MUC6: variants seen among roughly 807,000 people sequenced by gnomAD.
The protein encoded by MUC6 is mucin-6.
Under a neutral mutation model 201.5 loss-of-function variants are expected in MUC6, and 188 were observed. The observed-to-expected ratio is 0.93, with a 90% confidence interval of 0.83 to 1.05. MUC6 has a LOEUF of 1.05. Ranked by LOEUF, MUC6 falls within the 50% of genes least tolerant of loss-of-function variation. MUC6 has a pLI of 0.00. For missense variants in MUC6, 2,706 were observed against 3,256.9 expected (o/e 0.83, Z 4.12); for synonymous variants, 1,228 against 1,389.4 (o/e 0.88, Z 2.58).
At chr11:1,028,558 A>G in intron 13 of MUC6, 88 bp downstream of exon 13, 8 of 1,553,826 alleles carry the variant, frequency 5.1e-6, no homozygotes, top group Non-Finnish European at 7.0e-6. Context: ...GGTTGTGTGA[A>G]CCTCTCTTGG....
chr11:1,029,130 G>A lies in MUC6; in HGVS notation c.1296C>T (p.Asp432=), dbSNP rs369841224. 4.0e-5 allele frequency: 64 copies of A among 1,612,134 alleles called. No individual in the cohort carries two copies. Among genetic ancestry groups the A allele is most frequent in the East Asian group, 2.2e-4 (10 of 44,882 alleles). Residue 432 remains aspartate, a synonymous_variant, in exon 11 of 33, where the codon GAC becomes GAT. Transcript: ENST00000421673. The part of the protein sequence containing the change: ...ILLQSPQLPE[D]GALMAVYDKS... ...TGTCGTACACAGCCATGAGGGCACC[G>A]TCCTCGGGAAGCTGGGGGCTCTGCG...
chr11:1,028,648 C>T lies in MUC6; in HGVS notation c.1589G>A (p.Arg530Lys), dbSNP rs1221603154. The change falls in exon 13 of 33, where the codon AGA (arginine) becomes AAA (lysine). Residue 530 changes from arginine (R) to lysine (K), a missense_variant and splice_region_variant. Around this residue, in one of 10 missense-constraint regions of MUC6, gnomAD observed 1,850 missense variants for 1,958.3 expected, o/e 0.94. Coordinates refer to ENST00000421673, the MANE Select transcript of MUC6 (RefSeq NM_005961.3). ...TVGPQFRGQT[R>K]GLCGNFNGDT... ...CACCTGGAGAGGCAGGGACTCACCT[C>T]TGGTCTGACCTCTGAACTGGGGCCC... The T allele has an allele frequency of 6.2e-7, 1 of 1,607,624 alleles. No individual in the cohort carries two copies. The highest frequency in any genetic ancestry group is 8.5e-7 in the Non-Finnish European group (1 of 1,177,814).
intron 7 of MUC6, 31 bp from the exon 8 acceptor site, chr11:1,030,366 T>TCCCCCCCCCCCCCCACCC: frequency 6.7e-7 from 1 of 1,489,596 alleles, no homozygotes. Context: ...GGTGAGAGGG[T>TCCCCCCCCCCCCCCACCC]CCCACCCCCC....
In MUC6 at chr11:1,033,954, C is replaced by T. The variant is rs1008863265; in HGVS notation, c.53-879G>A. On this transcript the variant is annotated intron_variant, in intron 1 of 32. Coordinates refer to ENST00000421673, the MANE Select transcript of MUC6 (RefSeq NM_005961.3). The surrounding 1 kb of genome is among the most constrained non-coding windows in gnomAD (Gnocchi z 5.6). ...GTTAGCAGGGCACTCACAGCACCTCCTTCCAGATGTAGCTCAGAGATCCCA... is the reference window on the plus strand; with the variant it reads ...GTTAGCAGGGCACTCACAGCACCTCTTTCCAGATGTAGCTCAGAGATCCCA... Among the ~76,000 whole-genome samples, 2 of 152,180 alleles carry T rather than the reference C, an allele frequency of 1.3e-5. No individual in the cohort carries two copies. Among genetic ancestry groups the T allele is most frequent in the East Asian group, 3.9e-4 (2 of 5,186 alleles).
chr11:1,031,624 G>T lies in MUC6; in HGVS notation c.466C>A (p.Pro156Thr). The T allele has an allele frequency of 6.5e-7, 1 of 1,549,060 alleles. No individual in the cohort carries two copies. The highest frequency in any genetic ancestry group is 2.4e-5 in the East Asian group (1 of 40,882). Residue 156 changes from proline to threonine, a missense_variant, in exon 4 of 33, where the codon CCT (proline) becomes ACT (threonine). Transcript: ENST00000421673. ...LELELEVVWGPDSHLMVLVER... is the reference protein window; with the variant it reads ...LELELEVVWGTDSHLMVLVER... ...CTCCTCACCATGAGGTGGCTGTCAGGACCCCACACGACTTCCAGCTCCAGC... is the reference window on the plus strand; with the variant it reads ...CTCCTCACCATGAGGTGGCTGTCAGTACCCCACACGACTTCCAGCTCCAGC...
At chr11:1,014,068 G>C in intron 31 of MUC6, 67 bp from the exon 32 acceptor site, 2 of 1,399,138 alleles carry the variant, frequency 1.4e-6, no homozygotes, top group South Asian at 2.6e-5. Context: ...GGGAAACCCT[G>C]GCTAGAGACC....
chr11:1,031,497 T>C, intron 4 of MUC6, 110 bp downstream of exon 4: 1 of 1,474,856 alleles, frequency 6.8e-7, no homozygotes. Flanking sequence ...CCTGGCTGCA[T>C]GGCAGCCTGA....
At chr11:1,025,652 C>T (rs1382173014) in intron 22 of MUC6, among the ~76,000 whole-genome samples, 153 bp downstream of exon 22, 1 of 152,172 alleles carries the variant, frequency 6.6e-6, no homozygotes, top group Non-Finnish European at 1.5e-5. Context: ...AGCGTCTGGC[C>T]AGGGAGGGGC....
At position 1,018,595 on chromosome 11, in the gene MUC6, G is replaced by T. The variant is rs780037522; in HGVS notation, c.4206C>A (p.Thr1402=). ...RTTTEYTTPQ[T]PHTTHSPPTA... is the part of the protein sequence containing the mutation. ...TAGGCGGGGAGTGTGTGGTGTGTGG[G>T]GTTTGGGGCGTTGTGTATTCAGTAG... Residue 1402 remains threonine, a synonymous_variant, in exon 31 of 33, where the codon ACC becomes ACA. Coordinates refer to ENST00000421673, the MANE Select transcript of MUC6 (RefSeq NM_005961.3). The T allele has an allele frequency of 1.8e-5, 29 of 1,613,258 alleles. No individual in the cohort carries two copies. In the South Asian group the frequency reaches 2.7e-4, roughly 15 times the overall value.
intron 7 of MUC6, 54 bp from the exon 8 acceptor site, chr11:1,030,389 G>GGGGGATGTCCCCCCC: frequency 1.7e-6 from 1 of 605,260 alleles, no homozygotes; most frequent in Non-Finnish European, 2.2e-6. Context: ...ACCCCTCCCT[G>GGGGGATGTCCCCCCC]CCCCACCCCA....
In MUC6 at chr11:1,030,145, G is replaced by A. The variant is rs1267106072; in HGVS notation, c.1015+68C>T. On this transcript the variant is annotated intron_variant, in intron 8 of 32. Transcript: ENST00000421673. ...ACCTGGGTCGGGGTGGGTGGGGTCT[G>A]ACGTCCCCTTGTCTCTGGGTTCTCT... The A allele has an allele frequency of 4.1e-6, 6 of 1,477,616 alleles. No homozygotes were observed. In the Admixed American group the frequency reaches 1.3e-4, roughly 32 times the overall value. 91.5% of individuals were successfully genotyped at this position (1,477,616 alleles called of 1,614,324 possible).
chr11:1,029,389 C>A, intron 9 of MUC6, 23 bp from the exon 10 acceptor site: 1 of 1,593,030 alleles, frequency 6.3e-7, no homozygotes, highest in Non-Finnish European at 8.5e-7. Flanking sequence ...GTGGGGGTAG[C>A]GGCATGGTGG....
rs1201583132 is a variant in MUC6 at position 1,029,106 on chromosome 11, G to C, written c.1320C>G (p.Asp440Glu). The C allele has an allele frequency of 6.2e-7, 1 of 1,611,516 alleles. No individual in the cohort carries two copies. Among genetic ancestry groups the C allele is most frequent in the African/African-American group, 1.3e-5 (1 of 74,928 alleles). Reference protein sequence around the residue: ...PEDGALMAVYDKSGVSHSETS... With the variant: ...PEDGALMAVYEKSGVSHSETS... ...TCTCGGAGTGTGAGACGCCGGACTT[G>C]TCGTACACAGCCATGAGGGCACCGT... Residue 440 changes from aspartate (D) to glutamate (E), a missense_variant, in exon 11 of 33, where the codon GAC becomes GAG. Transcript: ENST00000421673.
In MUC6 at chr11:1,029,465, G is replaced by A. The variant is rs149360267; in HGVS notation, c.1136+30C>T. 4.7e-3 allele frequency: 7,624 copies of A among 1,609,884 alleles called. 43 individuals carry two copies. The highest frequency in any genetic ancestry group is 4.8e-3 in the Non-Finnish European group (5,615 of 1,179,126). The stretch of plus-strand genomic sequence containing the variant: ...TAGGCCAGTGGAACCCCTGCCGGCC[G>A]GCCAGAGCCCCCTCCGGCGCCTCAC... On this transcript the variant is annotated intron_variant, in intron 9 of 32. Coordinates refer to ENST00000421673, the MANE Select transcript of MUC6 (RefSeq NM_005961.3).
intron 2 of MUC6, among the ~76,000 whole-genome samples, chr11:1,032,622 TGTA>T (rs2133837495): frequency 6.7e-6 from 1 of 149,770 alleles, no homozygotes; most frequent in South Asian, 2.1e-4. Context: ...TCGTGCGTGT[TGTA>T]AGTGTGCATG....
chr11:1,026,547 C>T (rs2133829419), intron 19 of MUC6, 69 bp from the exon 20 acceptor site: 1 of 1,436,510 alleles, frequency 7.0e-7, no homozygotes, highest in South Asian at 1.5e-5. Context: ...CCCTGGGCCC[C>T]TCTGAGACTG....
chr11:1,013,708 G>T, intron 32 of MUC6, 75 bp from the exon 33 acceptor site: 1 of 1,482,652 alleles, frequency 6.7e-7, no homozygotes, highest in Non-Finnish European at 9.1e-7. Flanking sequence ...CAGGGCAGCT[G>T]CTCCGCAGAG....
chr11:1,025,521 T>A (rs576249838), intron 22 of MUC6, among the ~76,000 whole-genome samples, 154 bp from the exon 23 acceptor site: 1 of 152,322 alleles, frequency 6.6e-6, no homozygotes, highest in African/African-American at 2.4e-5. Flanking sequence ...CAGAAGGGCC[T>A]GGCATGCCTG....
At chr11:1,023,766 C>A (rs925331964) in intron 25 of MUC6, 114 bp from the exon 26 acceptor site, 1 of 1,488,208 alleles carries the variant, frequency 6.7e-7, no homozygotes, top group Non-Finnish European at 9.0e-7. Context: ...AGGTCTGGGC[C>A]CTCTTGGTGA....
Sources: allele counts gnomAD v4.1 joint callset (sites outside exome capture counted in the v4.1 genomes callset), GRCh38; gene constraint gnomAD v4.1.1; regional missense constraint gnomAD v4.1.1; non-coding constraint Gnocchi (gnomAD v3.1); transcripts MANE v1.5; gene names NCBI Gene and HGNC (gene_info 2026-07-23, HGNC 2026-07-21).